CXCR2: variants seen among roughly 807,000 people sequenced by gnomAD.
The protein encoded by CXCR2 is C-X-C motif chemokine receptor 2, also known as C-X-C chemokine receptor type 2.
Under a neutral mutation model 3.7 loss-of-function variants are expected in CXCR2, and 2 were observed. The observed-to-expected ratio is 0.55, with a 90% CI of 0.22 to 1.72. The LOEUF (loss-of-function observed/expected upper bound fraction) is 1.72, where lower values mean the gene tolerates loss of function less well. Ranked by LOEUF, CXCR2 falls within the 40% of genes most tolerant of loss-of-function variation. The pLI is 0.19. For synonymous variants in CXCR2, 203 were observed against 193.3 expected, an observed-to-expected ratio of 1.05 and a Z score of -0.41; for missense variants, 351 against 450.1, an observed-to-expected ratio of 0.78 and a Z score of 1.99.
chr2:218,131,470 CTTT>C (rs34409642), intron 2 of CXCR2, among the ~76,000 whole-genome samples: 5 of 134,136 alleles, frequency 3.7e-5, no homozygotes, highest in South Asian at 4.8e-4. Flanking sequence ...ACAATGTTAA[CTTT>C]TTTTTTTTTT....
Position 218,135,558 on chromosome 2 carries a change from A to T in CXCR2, c.757A>T (p.Ile253Phe). 1 of 1,614,080 alleles carries T rather than the reference A, an allele frequency of 6.2e-7. No individual in the cohort carries two copies. Among genetic ancestry groups the T allele is most frequent in the Non-Finnish European group, 8.5e-7 (1 of 1,180,014 alleles). Residue 253 changes from isoleucine to phenylalanine, a missense_variant, in exon 3 of 3, where the codon ATC becomes TTC. Coordinates refer to ENST00000318507, the MANE Select transcript of CXCR2 (RefSeq NM_001557.4). This position sits in a 1 kb window ranked among gnomAD's most constrained non-coding sequence, Gnocchi z 4.0. Reference sequence around the variant, plus strand: ...GCAGAAGCACCGGGCCATGCGGGTCATCTTTGCTGTCGTCCTCATCTTCCT... The same window carrying T: ...GCAGAAGCACCGGGCCATGCGGGTCTTCTTTGCTGTCGTCCTCATCTTCCT... The part of the protein sequence containing the change: ...MGQKHRAMRV[I>F]FAVVLIFLLC...
chr2:218,135,622 A>C lies in CXCR2; in HGVS notation c.821A>C (p.Asp274Ala). The C allele has an allele frequency of 6.2e-7, 1 of 1,614,040 alleles. No individual in the cohort carries two copies. ...CCCTACAACCTGGTCCTGCTGGCAG[A>C]CACCCTCATGAGGACCCAGGTGATC... ...WLPYNLVLLA[D>A]TLMRTQVIQE... The change falls in exon 3 of 3, where the codon GAC becomes GCC. Residue 274 changes from aspartate (D) to alanine (A), a missense_variant. Asp to Ala is a moderately radical substitution (Grantham distance 126). Transcript: ENST00000318507. The surrounding 1 kb of genome is among the most constrained non-coding windows in gnomAD (Gnocchi z 4.0).
In CXCR2 at chr2:218,136,628, G is replaced by A. The variant is rs201363519; in HGVS notation, c.*744G>A. The stretch of plus-strand genomic sequence containing the variant: ...AAAGCAGGGACTTGAACCCATATTT[G>A]TACACCAATATTCATAGCAGCTTAT... On this transcript the variant is annotated 3_prime_UTR_variant, in exon 3 of 3. Transcript: ENST00000318507. 3.8e-4 allele frequency: 63 copies of A among 167,052 alleles called. No homozygotes were observed. Among genetic ancestry groups the A allele is most frequent in the African/African-American group, 1.5e-3 (61 of 41,526 alleles). The allele number at this position is 167,052 out of a possible 1,614,324, so 10.3% of individuals were successfully genotyped here. A position where few individuals can be genotyped will look rare whatever the true frequency, so the allele number is the denominator to read the frequency against.
intron 2 of CXCR2, among the ~76,000 whole-genome samples, chr2:218,134,372 CA>C (rs907364589): frequency 1.2e-3 from 171 of 145,362 alleles, no homozygotes; most frequent in South Asian, 4.1e-3. Context: ...ATCTCTAAGA[CA>C]AAAAAAAAAG....
In CXCR2 at chr2:218,135,557, C is replaced by T. The variant is rs17844699; in HGVS notation, c.756C>T (p.Val252=). The change falls in exon 3 of 3, where the codon GTC becomes GTT. Residue 252 remains valine (V), a synonymous_variant. Coordinates refer to ENST00000318507, the MANE Select transcript of CXCR2 (RefSeq NM_001557.4). The surrounding 1 kb of genome is among the most constrained non-coding windows in gnomAD (Gnocchi z 4.0). The part of the protein sequence containing the change: ...HMGQKHRAMR[V]IFAVVLIFLL... ...GGCAGAAGCACCGGGCCATGCGGGT[C>T]ATCTTTGCTGTCGTCCTCATCTTCC... 1.3e-3 allele frequency: 2,074 copies of T among 1,614,206 alleles called. 17 individuals are homozygous for T. The African/African-American group carries it at 0.021, about 17-fold the overall frequency.
In CXCR2 at chr2:218,137,245, G is replaced by T. The variant is rs1338582660; in HGVS notation, c.*1361G>T. The T allele has an allele frequency of 6.0e-6, 1 of 166,916 alleles. No homozygotes were observed. Among genetic ancestry groups the T allele is most frequent in the Non-Finnish European group, 1.5e-5 (1 of 68,094 alleles). The allele number at this position is 166,916 out of a possible 1,614,324, so 10.3% of individuals were successfully genotyped here. A position where few individuals can be genotyped will look rare whatever the true frequency, so the allele number is the denominator to read the frequency against. On this transcript the variant is annotated 3_prime_UTR_variant, in exon 3 of 3. Coordinates refer to ENST00000318507, the MANE Select transcript of CXCR2 (RefSeq NM_001557.4). ...TTTTTAATAAACCATTTTTACTTGG[G>T]TGTTTATATTACTGCTTCCAAATTG...
chr2:218,134,699 T>A (rs1313159730), intron 2 of CXCR2, 78 bp from the exon 3 acceptor site: 84 of 1,337,446 alleles, frequency 6.3e-5, no homozygotes, highest in Non-Finnish European at 8.2e-5. Flanking sequence ...ACACAAAGAA[T>A]CCTATCCCAG....
chr2:218,135,467 G>A lies in CXCR2; in HGVS notation c.666G>A (p.Val222=). 5 of 1,614,160 alleles carry A rather than the reference G, an allele frequency of 3.1e-6. No individual in the cohort carries two copies. The highest frequency in any genetic ancestry group is 4.2e-6 in the Non-Finnish European group (5 of 1,180,030). The stretch of plus-strand genomic sequence containing the variant: ...TGCCCCAGTCCTTTGGCTTCATCGT[G>A]CCACTGCTGATCATGCTGTTCTGCT... ...RILPQSFGFI[V]PLLIMLFCYG... is the part of the protein sequence containing the mutation. Residue 222 remains valine, a synonymous_variant, in exon 3 of 3, where the codon GTG becomes GTA. Coordinates refer to ENST00000318507, the MANE Select transcript of CXCR2 (RefSeq NM_001557.4). This position sits in a 1 kb window ranked among gnomAD's most constrained non-coding sequence, Gnocchi z 4.0.
At chr2:218,126,815 T>C (rs1379776637) in intron 1 of CXCR2, among the ~76,000 whole-genome samples, 1 of 125,064 alleles carries the variant, frequency 8.0e-6, no homozygotes, top group African/African-American at 3.6e-5. Flanking sequence ...ACTCAGCTAA[T>C]TTTTTGGGTT....
chr2:218,128,844 C>T (rs887879996), intron 1 of CXCR2, among the ~76,000 whole-genome samples: 12 of 152,182 alleles, frequency 7.9e-5, no homozygotes, highest in African/African-American at 2.7e-4. Flanking sequence ...GGAGGAACGC[C>T]ACCAGACTCA....
Position 218,135,359 on chromosome 2 carries a change from C to T in CXCR2, c.558C>T (p.Thr186=), listed in dbSNP as rs201476763. Residue 186 remains threonine, a synonymous_variant, in exon 3 of 3, where the codon ACC becomes ACT. Coordinates refer to ENST00000318507, the MANE Select transcript of CXCR2 (RefSeq NM_001557.4). The surrounding 1 kb of genome is among the most constrained non-coding windows in gnomAD (Gnocchi z 4.0). Reference sequence around the variant, plus strand: ...TGCCTGTCTTACTTTTCCGAAGGACCGTCTACTCATCCAATGTTAGCCCAG... The same window carrying T: ...TGCCTGTCTTACTTTTCCGAAGGACTGTCTACTCATCCAATGTTAGCCCAG... ...LALPVLLFRR[T]VYSSNVSPAC... is the part of the protein sequence containing the mutation. 9 of 1,614,168 alleles carry T rather than the reference C, an allele frequency of 5.6e-6. No homozygotes were observed. Among genetic ancestry groups the T allele is most frequent in the African/African-American group, 2.7e-5 (2 of 75,032 alleles).
Position 218,134,917 on chromosome 2 carries a change from G to C in CXCR2, c.116G>C (p.Cys39Ser). ...CCTTTTCTACTAGATGCCGCCCCAT[G>C]TGAACCAGAATCCCTGGAAATCAAC... The part of the protein sequence containing the change: ...LPPFLLDAAP[C>S]EPESLEINKY... The change falls in exon 3 of 3, where the codon TGT (cysteine) becomes TCT (serine). Residue 39 changes from cysteine (C) to serine (S), a missense_variant. By Grantham distance (112) the Cys-to-Ser change is moderately radical. Coordinates refer to ENST00000318507, the MANE Select transcript of CXCR2 (RefSeq NM_001557.4). 6.2e-7 allele frequency: 1 copy of C among 1,614,152 alleles called. No individual in the cohort carries two copies. The highest frequency in any genetic ancestry group is 8.5e-7 in the Non-Finnish European group (1 of 1,180,028).
In CXCR2 at chr2:218,135,682, G is replaced by A. The variant is rs2228413; in HGVS notation, c.881G>A (p.Arg294Gln). The change falls in exon 3 of 3, where the codon CGG becomes CAG. Residue 294 changes from arginine to glutamine, a missense_variant. Arg to Gln is a conservative substitution (Grantham distance 43). Transcript: ENST00000318507. This position sits in a 1 kb window ranked among gnomAD's most constrained non-coding sequence, Gnocchi z 4.0. ...TGTGAGCGCCGCAATCACATCGACC[G>A]GGCTCTGGATGCCACCGAGATTCTG... ...ETCERRNHID[R>Q]ALDATEILGI... 1.3e-4 allele frequency: 204 copies of A among 1,612,386 alleles called. No individual in the cohort carries two copies. The highest frequency in any genetic ancestry group is 3.3e-4 in the Middle Eastern group (2 of 6,060).
intron 1 of CXCR2, among the ~76,000 whole-genome samples, chr2:218,126,813 A>C (rs568134800): frequency 7.3e-6 from 1 of 136,940 alleles, no homozygotes; most frequent in Non-Finnish European, 1.5e-5. Flanking sequence ...ACACTCAGCT[A>C]ATTTTTTGGG....
At chr2:218,131,927 G>C (rs188441735) in intron 2 of CXCR2, among the ~76,000 whole-genome samples, 2 of 151,920 alleles carry the variant, frequency 1.3e-5, no homozygotes, top group African/African-American at 4.8e-5. Context: ...ATCACTCTTG[G>C]GGGAAAAGTG....
intron 2 of CXCR2, among the ~76,000 whole-genome samples, chr2:218,130,196 G>A (rs1690607692): frequency 6.6e-6 from 1 of 152,104 alleles, no homozygotes; most frequent in South Asian, 2.1e-4. Context: ...TAAGGTGGGC[G>A]GATCACCTGA....
rs755459701 is a variant in CXCR2, at chr2:218,136,696, T to C, written c.*812T>C. On this transcript the variant is annotated 3_prime_UTR_variant, in exon 3 of 3. Transcript: ENST00000318507. Reference sequence around the variant, plus strand: ...CAGAAGCAACCCAAATGTTCATCAATGAATGAATGAATGGCTAAGCAAAAT... The same window carrying C: ...CAGAAGCAACCCAAATGTTCATCAACGAATGAATGAATGGCTAAGCAAAAT... The C allele has an allele frequency of 1.2e-5, 2 of 167,004 alleles. No homozygotes were observed. The highest frequency in any genetic ancestry group is 1.5e-5 in the Non-Finnish European group (1 of 68,116). 10.3% of individuals were successfully genotyped at this position (167,004 alleles called of 1,614,324 possible).
chr2:218,135,152 C>T lies in CXCR2; in HGVS notation c.351C>T (p.Phe117=), dbSNP rs1318846314. 6.2e-7 allele frequency: 1 copy of T among 1,614,218 alleles called. No individual in the cohort carries two copies. Among genetic ancestry groups the T allele is most frequent in the African/African-American group, 1.3e-5 (1 of 75,056 alleles). The change falls in exon 3 of 3, where the codon TTC becomes TTT. Residue 117 remains phenylalanine (F), a synonymous_variant. Transcript: ENST00000318507. This position sits in a 1 kb window ranked among gnomAD's most constrained non-coding sequence, Gnocchi z 4.0. ...SKVNGWIFGT[F]LCKVVSLLKE... is the part of the protein sequence containing the mutation. ...TGAATGGCTGGATTTTTGGCACATT[C>T]CTGTGCAAGGTGGTCTCACTCCTGA...
chr2:218,130,480 C>A (rs1690616639), intron 2 of CXCR2, among the ~76,000 whole-genome samples: 1 of 152,076 alleles, frequency 6.6e-6, no homozygotes, highest in Non-Finnish European at 1.5e-5. Flanking sequence ...AGATGAGGTG[C>A]ACTTTTTTTA....
Sources: allele counts gnomAD v4.1 joint callset (sites outside exome capture counted in the v4.1 genomes callset), GRCh38; gene constraint gnomAD v4.1.1; non-coding constraint Gnocchi (gnomAD v3.1); transcripts MANE v1.5; gene names NCBI Gene and HGNC (gene_info 2026-07-23, HGNC 2026-07-21).